XPO7: variants seen among roughly 807,000 people sequenced by gnomAD.
XPO7 encodes the protein exportin 7.
In XPO7, 21 loss-of-function variants were observed where a neutral mutation model predicts 144.3. The ratio of observed to expected loss-of-function variants is 0.15; its 90% CI spans 0.10 to 0.21. XPO7 has a LOEUF of 0.21. Ranked by LOEUF, XPO7 falls within the 10% of genes least tolerant of loss-of-function variation. The pLI is 1.00. For missense variants in XPO7, 808 were observed against 1,325.8 expected, an observed-to-expected ratio of 0.61 and a Z score of 6.06; for synonymous variants, 580 against 499.6, an observed-to-expected ratio of 1.16 and a Z score of -2.15.
intron 1 of XPO7, among the ~76,000 whole-genome samples, chr8:21,951,605 G>C (rs189240412): frequency 2.6e-5 from 4 of 152,130 alleles, no homozygotes; most frequent in Non-Finnish European, 4.4e-5. Context: ...GCCCTTTTCT[G>C]ATTTGCATGT....
intron 1 of XPO7, among the ~76,000 whole-genome samples, chr8:21,953,515 A>G (rs1022207405): frequency 6.6e-6 from 1 of 152,230 alleles, no homozygotes; most frequent in Non-Finnish European, 1.5e-5. Flanking sequence ...ATAAGTTTTC[A>G]AGTCATTTGG....
intron 9 of XPO7, among the ~76,000 whole-genome samples, chr8:21,981,522 A>G (rs1183505082): frequency 6.6e-6 from 1 of 152,204 alleles, no homozygotes; most frequent in Non-Finnish European, 1.5e-5. Context: ...TGAACATATG[A>G]GATAATAAAT....
chr8:21,940,554 C>T (rs538481190), intron 1 of XPO7, among the ~76,000 whole-genome samples: 5 of 151,662 alleles, frequency 3.3e-5, no homozygotes, highest in African/African-American at 9.7e-5. Flanking sequence ...ACTGCAACCT[C>T]CATCTCCTGT....
chr8:21,990,470 A>G lies in XPO7; in HGVS notation c.1932+63A>G. 3.8e-6 allele frequency: 6 copies of G among 1,570,132 alleles called. 1 individual carries two copies. In the South Asian group the frequency reaches 4.4e-5, roughly 12 times the overall value. On this transcript the variant is annotated intron_variant, in intron 17 of 27. Transcript: ENST00000252512. ...ACCCACACATACACTTTCTCGACACATAAAGGAGATATGTAAACTGAGGTC... is the reference window on the plus strand; with the variant it reads ...ACCCACACATACACTTTCTCGACACGTAAAGGAGATATGTAAACTGAGGTC...
At chr8:21,993,440 G>A (rs118052725) in intron 19 of XPO7, among the ~76,000 whole-genome samples, 20 of 152,268 alleles carry the variant, frequency 1.3e-4, no homozygotes, top group Non-Finnish European at 2.2e-4. Flanking sequence ...TGCCAAACGT[G>A]TCAAGATCCC....
Position 21,948,859 on chromosome 8 carries a change from T to A in XPO7, c.19-17998T>A, listed in dbSNP as rs1417773307. Among the ~76,000 whole-genome samples, 4 of 152,200 alleles carry A rather than the reference T, an allele frequency of 2.6e-5. No individual in the cohort carries two copies. The East Asian group carries it at 7.7e-4, about 29-fold the overall frequency. On this transcript the variant is annotated intron_variant, in intron 1 of 27. Coordinates refer to ENST00000252512, the MANE Select transcript of XPO7 (RefSeq NM_015024.5). ...GACACATTCTCAGACTAGATAGATG[T>A]GGGATTATTTCAAATAAACCATTTG...
intron 5 of XPO7, among the ~76,000 whole-genome samples, chr8:21,973,322 G>T (rs1398032768): frequency 6.6e-6 from 1 of 152,162 alleles, no homozygotes; most frequent in East Asian, 1.9e-4. Flanking sequence ...AAAACTTCAA[G>T]ATTTTACTTT....
chr8:21,933,427 A>T (rs1469123492), intron 1 of XPO7, among the ~76,000 whole-genome samples: 1 of 152,010 alleles, frequency 6.6e-6, no homozygotes, highest in Non-Finnish European at 1.5e-5. Context: ...TTACAGTGTT[A>T]TTGTTGTTAC....
chr8:22,004,918 TTAA>T, intron 27 of XPO7, 74 bp from the exon 28 acceptor site: 15 of 758,542 alleles, frequency 2.0e-5, no homozygotes, highest in East Asian at 6.3e-5. Context: ...TTCCCATGCT[TTAA>T]AAAAAAAAAA....
At chr8:21,951,583 C>T (rs879665800) in intron 1 of XPO7, among the ~76,000 whole-genome samples, 7 of 152,138 alleles carry the variant, frequency 4.6e-5, no homozygotes, top group Non-Finnish European at 1.0e-4. Flanking sequence ...GCACATAAAA[C>T]CACCAGTTAA....
intron 1 of XPO7, among the ~76,000 whole-genome samples, chr8:21,922,977 C>G (rs1013192616): frequency 6.6e-6 from 1 of 152,082 alleles, no homozygotes; most frequent in African/African-American, 2.4e-5. Context: ...TACAACTTGT[C>G]AGGTTAAATT....
chr8:21,958,359 C>G (rs181013733), intron 1 of XPO7, among the ~76,000 whole-genome samples: 2 of 151,946 alleles, frequency 1.3e-5, no homozygotes, highest in Non-Finnish European at 2.9e-5. Context: ...CAATATGTAA[C>G]CATGTTTTAT....
intron 9 of XPO7, among the ~76,000 whole-genome samples, chr8:21,980,831 A>T (rs184823198): frequency 6.6e-6 from 1 of 152,242 alleles, no homozygotes; most frequent in Non-Finnish European, 1.5e-5. Context: ...TTTTTAAAAA[A>T]TGTTTATCGG....
At chr8:21,931,704 A>C (rs1425834295) in intron 1 of XPO7, among the ~76,000 whole-genome samples, 1 of 152,166 alleles carries the variant, frequency 6.6e-6, no homozygotes, top group Non-Finnish European at 1.5e-5. Context: ...AATACCCCTT[A>C]AAGGTTTCTA....
chr8:21,950,747 G>A (rs1195226704), intron 1 of XPO7, among the ~76,000 whole-genome samples: 1 of 151,946 alleles, frequency 6.6e-6, no homozygotes, highest in Non-Finnish European at 1.5e-5. Context: ...GAATTAATTT[G>A]TATAAAATTT....
At chr8:21,950,069 C>A (rs534128975) in intron 1 of XPO7, among the ~76,000 whole-genome samples, 1 of 152,346 alleles carries the variant, frequency 6.6e-6, no homozygotes, top group African/African-American at 2.4e-5. Flanking sequence ...TGTCTTCAGT[C>A]TCTTGCTCTC....
chr8:21,946,194 A>G (rs1811182500), intron 1 of XPO7, among the ~76,000 whole-genome samples: 1 of 152,240 alleles, frequency 6.6e-6, no homozygotes. Flanking sequence ...AGGTTACCCC[A>G]TCCTCCCACG....
chr8:21,986,784 CTCAAATA>C (rs1402820488), intron 13 of XPO7, among the ~76,000 whole-genome samples: 3 of 152,228 alleles, frequency 2.0e-5, no homozygotes, highest in African/African-American at 7.2e-5. Flanking sequence ...TATTCCCACA[CTCAAATA>C]TCAAATGACT....
At chr8:21,968,416 T>C (rs571650827) in intron 2 of XPO7, among the ~76,000 whole-genome samples, 3 of 152,352 alleles carry the variant, frequency 2.0e-5, no homozygotes, top group East Asian at 1.9e-4. Context: ...CCCCCAAATA[T>C]CTGAATGATA....
Sources: allele counts gnomAD v4.1 joint callset (sites outside exome capture counted in the v4.1 genomes callset), GRCh38; gene constraint gnomAD v4.1.1; transcripts MANE v1.5; gene names NCBI Gene and HGNC (gene_info 2026-07-23, HGNC 2026-07-21).